Variants in PARN observed in about 807,000 individuals in gnomAD.
PARN encodes poly(A)-specific ribonuclease PARN.
A neutral mutation model predicts 102.8 loss-of-function variants in PARN; 71 were observed. That is an observed-to-expected ratio of 0.69 (90% CI 0.57 to 0.84). The LOEUF (loss-of-function observed/expected upper bound fraction) is 0.84, where lower values mean the gene tolerates loss of function less well. Among genes scored for constraint, PARN ranks in the 40% least tolerant of loss-of-function variants. The probability of loss-of-function intolerance (pLI) is 0.00; values close to 1 mark genes in which losing one functional copy is unlikely to be tolerated. For synonymous variants in PARN, 261 were observed against 252.9 expected (o/e 1.03, Z -0.30); for missense variants, 782 against 760.9 (o/e 1.03, Z -0.33).
intron 22 of PARN, among the ~76,000 whole-genome samples, chr16:14,469,890 C>T (rs916439883): frequency 6.6e-6 from 1 of 152,140 alleles, no homozygotes; most frequent in African/African-American, 2.4e-5. Flanking sequence ...ATTTAGGTAA[C>T]AGACATGGAA....
chr16:14,506,516 T>C (rs1964902172), intron 21 of PARN, among the ~76,000 whole-genome samples: 1 of 152,210 alleles, frequency 6.6e-6, no homozygotes, highest in Non-Finnish European at 1.5e-5. Flanking sequence ...CTAAAATACT[T>C]CTAAGCAAAC....
chr16:14,451,389 AGT>A (rs1227311940), intron 22 of PARN, among the ~76,000 whole-genome samples: 2 of 152,238 alleles, frequency 1.3e-5, no homozygotes, highest in African/African-American at 4.8e-5. Context: ...AACTAGGAGC[AGT>A]GCATCAACAG....
intron 18 of PARN, among the ~76,000 whole-genome samples, chr16:14,573,900 A>G (rs1383320292): frequency 6.6e-6 from 1 of 152,248 alleles, no homozygotes; most frequent in African/African-American, 2.4e-5. Flanking sequence ...AGTCTCAGGT[A>G]TGTCTTTATC....
At chr16:14,554,014 TACCAAATGAATAGCAAAACCCTAA>T in intron 20 of PARN, 27 bp downstream of exon 20, 1 of 1,186,574 alleles carries the variant, frequency 8.4e-7, no homozygotes, top group Non-Finnish European at 1.2e-6. Context: ...TGACCACCTA[TACCAAATGAATAGCAAAACCCTAA>T]AAAGTACATC....
chr16:14,452,064 CAAT>C (rs1023738603), intron 22 of PARN, among the ~76,000 whole-genome samples: 14 of 151,570 alleles, frequency 9.2e-5, no homozygotes, highest in African/African-American at 2.4e-4. Context: ...ACAACAACAA[CAAT>C]AACAACAACC....
At chr16:14,505,665 A>G (rs1439866344) in intron 21 of PARN, among the ~76,000 whole-genome samples, 1 of 152,214 alleles carries the variant, frequency 6.6e-6, no homozygotes, top group Non-Finnish European at 1.5e-5. Flanking sequence ...GTACCTAATA[A>G]CCAATGGTTC....
At chr16:14,477,775 C>T (rs908842344) in intron 22 of PARN, among the ~76,000 whole-genome samples, 1 of 148,194 alleles carries the variant, frequency 6.7e-6, no homozygotes, top group Admixed American at 6.8e-5. Context: ...GAGACTCCGT[C>T]GGAAAGGGAA....
chr16:14,553,258 A>T (rs1296492376), intron 20 of PARN, among the ~76,000 whole-genome samples: 277 of 810 alleles, frequency 0.34, 4 homozygotes, highest in East Asian at 0.5. Context: ...TTTCTATTTA[A>T]AAAAAAAAAA....
rs1171431217 is a variant in PARN at position 14,630,096 on chromosome 16, C to T, written c.19+11G>A. The stretch of plus-strand genomic sequence containing the variant: ...TGTGGGGAGGCGGGGAGGTGTACGG[C>T]GGACACGCACTGCTCCTGATTATCT... On this transcript the variant is annotated intron_variant, in intron 1 of 23. Transcript: ENST00000437198. The T allele has an allele frequency of 6.4e-7, 1 of 1,558,056 alleles. No individual in the cohort carries two copies. The highest frequency in any genetic ancestry group is 2.4e-5 in the East Asian group (1 of 41,792).
rs141675472 is a variant in PARN, at chr16:14,587,689, G to GA, written c.919-1329dup. Among the ~76,000 whole-genome samples, 14 of 152,096 alleles carry GA rather than the reference G, an allele frequency of 9.2e-5. No individual in the cohort carries two copies. In the South Asian group the frequency reaches 1.0e-3, roughly 11 times the overall value. The stretch of plus-strand genomic sequence containing the variant: ...TCATCACTTCTTCTAAAGGTAGATG[G>GA]AAAAAAACAAAACAAAACATTTTCT... On this transcript the variant is annotated intron_variant, in intron 13 of 23. Transcript: ENST00000437198.
chr16:14,526,392 T>C (rs1021023184), intron 21 of PARN, among the ~76,000 whole-genome samples: 1 of 151,692 alleles, frequency 6.6e-6, no homozygotes, highest in Non-Finnish European at 1.5e-5. Context: ...TTAGCCAGGA[T>C]GGTCTCAACC....
intron 21 of PARN, among the ~76,000 whole-genome samples, chr16:14,510,178 G>C (rs1010148616): frequency 2.4e-4 from 36 of 152,210 alleles, no homozygotes; most frequent in African/African-American, 8.7e-4. Flanking sequence ...AACAGCAAAG[G>C]CTGGGGGAAT....
At chr16:14,535,598 A>T (rs11645411) in intron 21 of PARN, among the ~76,000 whole-genome samples, 44,824 of 152,130 alleles carry the variant, frequency 0.29, 7,546 homozygotes, top group South Asian at 0.42. Flanking sequence ...AGTCAGCAAC[A>T]AAAACAGGGC....
chr16:14,565,966 C>T (rs927576500), intron 18 of PARN, among the ~76,000 whole-genome samples: 3 of 152,320 alleles, frequency 2.0e-5, no homozygotes, highest in African/African-American at 2.4e-5. Flanking sequence ...GAGTATACTG[C>T]TAATCCTTGA....
At chr16:14,541,417 G>A (rs945328890) in intron 21 of PARN, among the ~76,000 whole-genome samples, 7 of 152,244 alleles carry the variant, frequency 4.6e-5, no homozygotes, top group African/African-American at 1.7e-4. Context: ...CCACAGCCAT[G>A]AAAAAGTTTG....
intron 5 of PARN, among the ~76,000 whole-genome samples, chr16:14,620,035 A>T (rs1247488024): frequency 7.5e-6 from 1 of 133,756 alleles, no homozygotes; most frequent in African/African-American, 2.9e-5. Flanking sequence ...ATGCCACTGC[A>T]CTCCAGCCTG....
chr16:14,594,608 C>T (rs1306691230), intron 12 of PARN, among the ~76,000 whole-genome samples: 4 of 152,030 alleles, frequency 2.6e-5, no homozygotes, highest in African/African-American at 9.7e-5. Flanking sequence ...CTCAGCAACT[C>T]GGGAGGCTGA....
At chr16:14,539,688 C>A (rs1397811835) in intron 21 of PARN, among the ~76,000 whole-genome samples, 4 of 152,194 alleles carry the variant, frequency 2.6e-5, no homozygotes, top group African/African-American at 9.7e-5. Flanking sequence ...ACAAAACATA[C>A]ATTCACATGT....
At chr16:14,460,760 T>C (rs146435709) in intron 22 of PARN, among the ~76,000 whole-genome samples, 311 of 152,318 alleles carry the variant, frequency 2.0e-3, no homozygotes, top group African/African-American at 6.8e-3. Context: ...TATATAATGA[T>C]ATAGATCAAT....
Sources: gnomAD v4.1 joint callset for allele counts (sites outside exome capture counted in the v4.1 genomes callset) on GRCh38, gnomAD v4.1.1 for gene constraint, MANE v1.5 for transcripts, NCBI Gene and HGNC (gene_info 2026-07-23, HGNC 2026-07-21) for gene names.